The following MCTP2 variants were observed in gnomAD, a reference collection of about 807,000 sequenced individuals.
MCTP2 encodes multiple C2 and transmembrane domain-containing protein 2.
MCTP2 carries 132 observed loss-of-function variants against 111.6 expected under a neutral mutation model. That is an observed-to-expected ratio of 1.18 (90% CI 1.03 to 1.37). MCTP2 has a LOEUF of 1.37. MCTP2 is among the 40% of genes most tolerant of loss of function. The probability of loss-of-function intolerance (pLI) is 0.00; values close to 1 mark genes in which losing one functional copy is unlikely to be tolerated. For missense variants in MCTP2, 1,183 were observed against 1,067.9 expected, an observed-to-expected ratio of 1.11 and a Z score of -1.50; for synonymous variants, 395 against 387.7, an observed-to-expected ratio of 1.02 and a Z score of -0.22.
chr15:94,264,811 G>A (rs2073417332), intron 1 of MCTP2, among the ~76,000 whole-genome samples: 1 of 152,168 alleles, frequency 6.6e-6, no homozygotes, highest in Admixed American at 6.5e-5. Flanking sequence ...GGAGGAATTA[G>A]AGTAAAGGAT....
intron 20 of MCTP2, among the ~76,000 whole-genome samples, chr15:94,464,629 T>C (rs1434607523): frequency 6.6e-6 from 1 of 151,964 alleles, no homozygotes; most frequent in Admixed American, 6.6e-5. Flanking sequence ...CTTTCTTCTT[T>C]CTTAACATAA....
chr15:94,367,795 A>G lies in MCTP2; in HGVS notation c.1488+4A>G, dbSNP rs1301602938. Reference sequence around the variant, plus strand: ...AAAGCAGATTACCCAGCGATATGTGAGTGTTTTTCCTTATTGTACACTCCC... The same window carrying G: ...AAAGCAGATTACCCAGCGATATGTGGGTGTTTTTCCTTATTGTACACTCCC... On this transcript the variant is annotated splice_donor_region_variant and intron_variant, in intron 11 of 22. Transcript: ENST00000357742. The G allele has an allele frequency of 6.3e-7, 1 of 1,595,924 alleles. No individual in the cohort carries two copies. The highest frequency in any genetic ancestry group is 8.5e-7 in the Non-Finnish European group (1 of 1,172,974).
intron 1 of MCTP2, among the ~76,000 whole-genome samples, chr15:94,238,004 C>T (rs1207026744): frequency 6.6e-6 from 1 of 151,882 alleles, no homozygotes; most frequent in African/African-American, 2.4e-5. Flanking sequence ...CCTTTTTGAA[C>T]CAAACCAATG....
At chr15:94,292,594 C>A (rs1384355683) in intron 1 of MCTP2, among the ~76,000 whole-genome samples, 1 of 152,092 alleles carries the variant, frequency 6.6e-6, no homozygotes, top group African/African-American at 2.4e-5. Flanking sequence ...CTGGAGAATG[C>A]TGATGAAAGA....
intron 4 of MCTP2, among the ~76,000 whole-genome samples, chr15:94,326,379 T>G (rs2076872359): frequency 6.6e-6 from 1 of 152,178 alleles, no homozygotes; most frequent in Non-Finnish European, 1.5e-5. Context: ...GGTTACTTTT[T>G]CATATATTTG....
chr15:94,268,142 A>G (rs931472327), intron 1 of MCTP2, among the ~76,000 whole-genome samples: 7 of 150,158 alleles, frequency 4.7e-5, no homozygotes, highest in African/African-American at 1.5e-4. Context: ...CTGAGATTAC[A>G]GGTATGAGCC....
intron 2 of MCTP2, among the ~76,000 whole-genome samples, chr15:94,303,079 A>ATATATATATAGTTTATATATATAGTT (rs1395968284): frequency 8.1e-6 from 1 of 124,082 alleles, no homozygotes; most frequent in Non-Finnish European, 1.7e-5. Context: ...TATATAGTTT[A>ATATATATATAGTTTATATATATAGTT]TATATATATA....
chr15:94,395,355 C>A (rs77833767), intron 14 of MCTP2, among the ~76,000 whole-genome samples: 2,506 of 152,310 alleles, frequency 0.016, 66 homozygotes, highest in African/African-American at 0.053. Context: ...AATGGGGAAT[C>A]AGTATGACCC....
At position 94,470,460 on chromosome 15, in the gene MCTP2, C is replaced by T; in HGVS notation, c.2470+18C>T. 1 of 1,469,480 alleles carries T rather than the reference C, an allele frequency of 6.8e-7. No homozygotes were observed. The highest frequency in any genetic ancestry group is 9.5e-7 in the Non-Finnish European group (1 of 1,048,146). 91.0% of individuals were successfully genotyped at this position (1,469,480 alleles called of 1,614,324 possible). A position where few individuals can be genotyped will look rare whatever the true frequency, so the allele number is the denominator to read the frequency against. On this transcript the variant is annotated intron_variant, in intron 21 of 22. Coordinates refer to ENST00000357742, the MANE Select transcript of MCTP2 (RefSeq NM_001385001.1). The stretch of plus-strand genomic sequence containing the variant: ...AATCTGGGGTAAGTTTGGAATGGTC[C>T]TTTTGCTAGCAATCAATTCCAGGTA...
Position 94,340,399 on chromosome 15 carries a change from T to C in MCTP2, c.857+124T>C. 4.0e-6 allele frequency: 3 copies of C among 744,368 alleles called. No homozygotes were observed. The South Asian group carries it at 5.3e-5, about 13-fold the overall frequency. 46.1% of individuals were successfully genotyped at this position (744,368 alleles called of 1,614,324 possible). ...ATATCTGAACAAATGAAAGAGAGCT[T>C]TAAAGTGTTATAACTGTCAGTGTAT... is the stretch of plus-strand genomic sequence containing the variant. On this transcript the variant is annotated intron_variant, in intron 6 of 22. Transcript: ENST00000357742.
chr15:94,240,060 T>G (rs568369625), intron 1 of MCTP2, among the ~76,000 whole-genome samples: 9 of 118,208 alleles, frequency 7.6e-5, no homozygotes, highest in African/African-American at 2.7e-4. Flanking sequence ...TGCCTTTTCA[T>G]TGGTAGTTTT....
chr15:94,248,241 A>G (rs753874065), intron 1 of MCTP2, among the ~76,000 whole-genome samples: 2 of 152,210 alleles, frequency 1.3e-5, no homozygotes, highest in Non-Finnish European at 2.9e-5. Flanking sequence ...GAATAAGGAA[A>G]CAAAATCCCT....
chr15:94,371,176 T>G lies in MCTP2; in HGVS notation c.1582+996T>G, dbSNP rs187624005. Among the ~76,000 whole-genome samples, 1,356 of 151,564 alleles carry G rather than the reference T, an allele frequency of 8.9e-3. 9 individuals are homozygous for G. The highest frequency in any genetic ancestry group is 0.016 in the Non-Finnish European group (1,062 of 67,870). ...CTGCTCAAAAATGAAGCAATAGAAA[T>G]GACTACCCTATAAGATGATCCTGAC... is the stretch of plus-strand genomic sequence containing the variant. On this transcript the variant is annotated intron_variant, in intron 12 of 22. Coordinates refer to ENST00000357742, the MANE Select transcript of MCTP2 (RefSeq NM_001385001.1).
At chr15:94,313,578 G>T (rs150619886) in intron 2 of MCTP2, among the ~76,000 whole-genome samples, 1 of 152,218 alleles carries the variant, frequency 6.6e-6, no homozygotes, top group Non-Finnish European at 1.5e-5. Flanking sequence ...ACAGGTGCCT[G>T]TAATCCCAGC....
intron 14 of MCTP2, among the ~76,000 whole-genome samples, chr15:94,397,400 C>A (rs995783890): frequency 6.6e-6 from 1 of 152,202 alleles, no homozygotes; most frequent in South Asian, 2.1e-4. Context: ...AATGACTGTG[C>A]GTTGAAGCAA....
chr15:94,384,254 G>T (rs8023983), intron 13 of MCTP2, 130 bp downstream of exon 13: 46,479 of 595,108 alleles, frequency 0.078, 2,070 homozygotes, highest in African/African-American at 0.22. Flanking sequence ...TGAAAACCTT[G>T]TATCCTTTCA....
intron 14 of MCTP2, among the ~76,000 whole-genome samples, chr15:94,387,166 T>G (rs545404385): frequency 1.3e-5 from 2 of 151,622 alleles, no homozygotes. Flanking sequence ...CCTTCCTCCC[T>G]CTCTCCTTCC....
intron 17 of MCTP2, among the ~76,000 whole-genome samples, chr15:94,423,128 T>A (rs1448320087): frequency 6.6e-6 from 1 of 152,206 alleles, no homozygotes; most frequent in Non-Finnish European, 1.5e-5. Context: ...ATTAGTGAAA[T>A]AGAGCCTAAC....
chr15:94,244,843 C>T (rs1003937076), intron 1 of MCTP2, among the ~76,000 whole-genome samples: 3 of 133,484 alleles, frequency 2.2e-5, no homozygotes, highest in Admixed American at 7.4e-5. Context: ...TGTTTATATA[C>T]GTATATGTAT....
Sources: allele counts gnomAD v4.1 joint callset (sites outside exome capture counted in the v4.1 genomes callset), GRCh38; gene constraint gnomAD v4.1.1; transcripts MANE v1.5; gene names NCBI Gene and HGNC (gene_info 2026-07-23, HGNC 2026-07-21).